The following NBPF6 variants were observed in gnomAD, a reference collection of about 807,000 sequenced individuals.
NBPF6 encodes the protein NBPF family member NBPF6.
In NBPF6, 2 loss-of-function variants were observed where a neutral mutation model predicts 20.8. The ratio of observed to expected loss-of-function variants is 0.10; its 90% CI spans 0.04 to 0.30. The LOEUF is 0.30. Ranked by LOEUF, NBPF6 falls within the 10% of genes least tolerant of loss-of-function variation. The pLI, the probability that NBPF6 is intolerant of heterozygous loss-of-function variation, is 1.00. For synonymous variants in NBPF6, 24 were observed against 100.0 expected (o/e 0.24, Z 4.53); for missense variants, 85 against 260.3 (o/e 0.33, Z 4.63).
the NBPF6 span, among the ~76,000 whole-genome samples, chr1:108,429,690 CTGTT>C: frequency 2.2e-3 from 308 of 142,170 alleles, no homozygotes; most frequent in African/African-American, 6.9e-3. Flanking sequence ...GTCTTAGAGA[CTGTT>C]TGTTATTATT....
rs1302109177 is a variant in NBPF6, at chr1:108,465,300, T to C, written c.1536T>C (p.Ser512=). ...TGGAACCAAGCACCCTGGTGCCCAG[T>C]TGTCTGCGACTACAGCTGGATCAAG... is the stretch of plus-strand genomic sequence containing the variant. ...AQLEPSTLVP[S]CLRLQLDQGF... Residue 512 remains serine, a synonymous_variant, in exon 13 of 15, where the codon AGT becomes AGC. Transcript: ENST00000495380. The C allele has an allele frequency of 1.7e-6, 2 of 1,188,920 alleles. 1 individual carries two copies. The highest frequency in any genetic ancestry group is 2.3e-6 in the Non-Finnish European group (2 of 878,416). 73.6% of individuals were successfully genotyped at this position (1,188,920 alleles called of 1,614,324 possible). A position where few individuals can be genotyped will look rare whatever the true frequency, so the allele number is the denominator to read the frequency against.
chr1:108,459,353 C>T (rs1264955616), intron 9 of NBPF6, among the ~76,000 whole-genome samples: 24 of 131,538 alleles, frequency 1.8e-4, no homozygotes, highest in African/African-American at 6.3e-4. Flanking sequence ...ACACAGATTT[C>T]CTTAAAGTAA....
At chr1:108,447,988 A>G (rs542429538), upstream of NBPF6, among the ~76,000 whole-genome samples, 475 of 146,892 alleles carry the variant, frequency 3.2e-3, 26 homozygotes, top group African/African-American at 0.012. Flanking sequence ...ATAAAACCTA[A>G]ACCAGTGCTT....
rs1284138932 is a variant in NBPF6, at chr1:108,470,846, G to C, written c.*208G>C. Reference sequence around the variant, plus strand: ...TCCAATTGTGATCAACACCTAGGGAGACCAATGCCCAGATGGACAAATAGC... The same window carrying C: ...TCCAATTGTGATCAACACCTAGGGACACCAATGCCCAGATGGACAAATAGC... On this transcript the variant is annotated 3_prime_UTR_variant, in exon 15 of 15. Transcript: ENST00000495380. The C allele has an allele frequency of 6.9e-6, 3 of 436,486 alleles. No homozygotes were observed. The highest frequency in any genetic ancestry group is 4.1e-5 in the Admixed American group (1 of 24,354). 27.0% of individuals were successfully genotyped at this position (436,486 alleles called of 1,614,324 possible).
In NBPF6 at chr1:108,471,131, G is replaced by A. The variant is rs1653448551; in HGVS notation, c.*493G>A. ...ACCACCAAGAAAACAACAAAAAGGA[G>A]AAGAGACATTTTGAGTTCAAAAAGA... is the stretch of plus-strand genomic sequence containing the variant. On this transcript the variant is annotated 3_prime_UTR_variant, in exon 15 of 15. Coordinates refer to ENST00000495380, the MANE Select transcript of NBPF6 (RefSeq NM_001143988.2). The A allele has an allele frequency of 6.6e-6, 1 of 152,272 alleles. No individual in the cohort carries two copies. The highest frequency in any genetic ancestry group is 1.5e-5 in the Non-Finnish European group (1 of 68,108). The allele number at this position is 152,272 out of a possible 1,614,324, so 9.4% of individuals were successfully genotyped here.
At chr1:108,452,997 T>TGA (rs1652930437) in intron 3 of NBPF6, among the ~76,000 whole-genome samples, 184 bp from the exon 4 acceptor site, 1 of 63,962 alleles carries the variant, frequency 1.6e-5, no homozygotes, top group African/African-American at 5.3e-5. Context: ...TGTGTGTGTG[T>TGA]GTGTGTGTGT....
At chr1:108,450,886 A>ATTTTCCTAGAAGTAT in intron 2 of NBPF6, 107 bp downstream of exon 2, 1 of 552,534 alleles carries the variant, frequency 1.8e-6, no homozygotes, top group Non-Finnish European at 3.2e-6. Context: ...CCATACTTCT[A>ATTTTCCTAGAAGTAT]GGAAAATAGA....
chr1:108,465,393 T>A lies in NBPF6; in HGVS notation c.1629T>A (p.Asn543Lys). 2.4e-6 allele frequency: 2 copies of A among 833,774 alleles called. No homozygotes were observed. Among genetic ancestry groups the A allele is most frequent in the Non-Finnish European group, 3.5e-6 (2 of 572,766 alleles). 51.6% of individuals were successfully genotyped at this position (833,774 alleles called of 1,614,324 possible). ...CCACCACCTGCAGCTTCTCAGCCAA[T>A]GCTGATTCTGGGAACCAATGGCCCT... is the stretch of plus-strand genomic sequence containing the variant. Reference protein sequence around the residue: ...LSSTTCSFSANADSGNQWPFQ... With the variant: ...LSSTTCSFSAKADSGNQWPFQ... The change falls in exon 13 of 15, where the codon AAT becomes AAA. Residue 543 changes from asparagine (N) to lysine (K), a missense_variant. Transcript: ENST00000495380.
intron 14 of NBPF6, among the ~76,000 whole-genome samples, chr1:108,468,023 C>T (rs1653238705): frequency 6.6e-6 from 1 of 151,256 alleles, no homozygotes; most frequent in Non-Finnish European, 1.5e-5. Flanking sequence ...CCTTTCCTTG[C>T]TGCATCCCCA....
rs1653453515 is a variant in NBPF6 at position 108,471,227 on chromosome 1, T to C, written c.*589T>C. On this transcript the variant is annotated 3_prime_UTR_variant, in exon 15 of 15. Coordinates refer to ENST00000495380, the MANE Select transcript of NBPF6 (RefSeq NM_001143988.2). ...AAAACATCTCCTTATCTTTTTGTTG[T>C]TGTCATCGATGGTGGTGACATGGAC... Among the ~76,000 whole-genome samples, 2 of 152,204 alleles carry C rather than the reference T, an allele frequency of 1.3e-5. No homozygotes were observed. The highest frequency in any genetic ancestry group is 4.1e-4 in the South Asian group (2 of 4,820).
intron 14 of NBPF6, among the ~76,000 whole-genome samples, chr1:108,468,189 C>T (rs1653253900): frequency 6.6e-6 from 1 of 151,324 alleles, no homozygotes; most frequent in South Asian, 2.1e-4. Context: ...CACTAAGAGC[C>T]CCCCTAGGAA....
chr1:108,449,458 ATATC>A (rs1444678879), upstream of NBPF6, among the ~76,000 whole-genome samples: 2 of 9,648 alleles, frequency 2.1e-4, 1 homozygote, highest in Non-Finnish European at 1.0e-3. Flanking sequence ...ATATATATAT[ATATC>A]TCCAACAATA....
Position 108,465,352 on chromosome 1 carries a change from C to A in NBPF6, c.1588C>A (p.Gln530Lys), listed in dbSNP as rs529833844. The A allele has an allele frequency of 1.2e-3, 1,245 of 1,078,340 alleles. 309 individuals are homozygous for A. Among genetic ancestry groups the A allele is most frequent in the Admixed American group, 2.3e-3 (87 of 38,478 alleles). The allele number at this position is 1,078,340 out of a possible 1,614,324, so 66.8% of individuals were successfully genotyped here. ...GTTCCACTGTGGGAACGGCTTGGCCCAGCGGGGCCTTTCCTCCACCACCTG... is the reference window on the plus strand; with the variant it reads ...GTTCCACTGTGGGAACGGCTTGGCCAAGCGGGGCCTTTCCTCCACCACCTG... ...QGFHCGNGLA[Q>K]RGLSSTTCSF... The change falls in exon 13 of 15, where the codon CAG becomes AAG. Residue 530 changes from glutamine to lysine, a missense_variant. Transcript: ENST00000495380.
chr1:108,470,590 C>T lies in NBPF6; in HGVS notation c.1876-7C>T, dbSNP rs1463675023. On this transcript the variant is annotated splice_polypyrimidine_tract_variant and splice_region_variant and intron_variant, in intron 14 of 14. Coordinates refer to ENST00000495380, the MANE Select transcript of NBPF6 (RefSeq NM_001143988.2). ...CATTTGATTTTTTTTCTCTCTCTCC[C>T]CTACAGATACCAAATACTGCTGAAA... The T allele has an allele frequency of 7.1e-6, 11 of 1,550,790 alleles. No individual in the cohort carries two copies. The highest frequency in any genetic ancestry group is 9.6e-6 in the Non-Finnish European group (11 of 1,146,466).
At chr1:108,449,440 ATATATATATATATATATATATC>A (rs1390590855), upstream of NBPF6, among the ~76,000 whole-genome samples, 6 of 13,124 alleles carry the variant, frequency 4.6e-4, 1 homozygote, top group African/African-American at 6.3e-4. Context: ...ATATATATAT[ATATATATATATATATATATATC>A]TCCAACAATA....
Position 108,452,928 on chromosome 1 carries a change from C to G in NBPF6, c.279-253C>G, listed in dbSNP as rs1381001076. On this transcript the variant is annotated intron_variant, in intron 3 of 14. Transcript: ENST00000495380. ...CATCTGTGAGGATCTTACAGAAGCA[C>G]TCTCTCATATATCAGAAGGCTGTGT... 7.1e-5 allele frequency among the ~76,000 whole-genome samples: 5 copies of G among 70,210 alleles called. 1 individual carries two copies. The highest frequency in any genetic ancestry group is 6.9e-4 in the South Asian group (2 of 2,898). 46.1% of individuals were successfully genotyped at this position (70,210 alleles called of 152,430 possible). A position where few individuals can be genotyped will look rare whatever the true frequency, so the allele number is the denominator to read the frequency against.
At chr1:108,448,138 T>C (rs1206653725), upstream of NBPF6, among the ~76,000 whole-genome samples, 1 of 144,376 alleles carries the variant, frequency 6.9e-6, no homozygotes, top group African/African-American at 2.5e-5. Context: ...CATGTGGAAG[T>C]GAAGGAAGAG....
chr1:108,449,376 G>C (rs1472625420), upstream of NBPF6, among the ~76,000 whole-genome samples: 4 of 16,344 alleles, frequency 2.4e-4, no homozygotes, highest in African/African-American at 3.4e-4. Context: ...GCCAGGTTCG[G>C]TTAGTGGAAT....
chr1:108,429,588 G>A, the NBPF6 span, among the ~76,000 whole-genome samples: 2 of 147,474 alleles, frequency 1.4e-5, no homozygotes, highest in East Asian at 4.0e-4. Flanking sequence ...ATATACCCAG[G>A]AGTCATTCAG....
Sources: gnomAD v4.1 joint callset for allele counts (sites outside exome capture counted in the v4.1 genomes callset) on GRCh38, gnomAD v4.1.1 for gene constraint, MANE v1.5 for transcripts, NCBI Gene and HGNC (gene_info 2026-07-23, HGNC 2026-07-21) for gene names.